Variants in LARP1 observed in about 807,000 individuals in gnomAD.
LARP1 encodes the protein la-related protein 1.
In LARP1, 36 loss-of-function variants were observed where a neutral mutation model predicts 122.7. The observed-to-expected ratio is 0.29, with a 90% CI of 0.22 to 0.39. The LOEUF (loss-of-function observed/expected upper bound fraction) is 0.39. Ranked by LOEUF, LARP1 falls within the 10% of genes least tolerant of loss-of-function variation. The pLI, the probability that LARP1 is intolerant of heterozygous loss-of-function variation, is 1.00. For missense variants in LARP1, 1,040 were observed against 1,403.6 expected, an observed-to-expected ratio of 0.74 and a Z score of 4.14; for synonymous variants, 539 against 528.7, an observed-to-expected ratio of 1.02 and a Z score of -0.27.
intron 1 of LARP1, among the ~76,000 whole-genome samples, chr5:154,747,956 C>A (rs1365852654): frequency 1.3e-5 from 2 of 152,212 alleles, no homozygotes; most frequent in Non-Finnish European, 1.5e-5. Context: ...CTCCTGGGCT[C>A]AAGCCATCCT....
chr5:154,760,225 G>A (rs1754341409), intron 1 of LARP1, among the ~76,000 whole-genome samples: 1 of 152,184 alleles, frequency 6.6e-6, no homozygotes, highest in Non-Finnish European at 1.5e-5. Context: ...TTACAGGCGT[G>A]AGCCACCGCG....
At chr5:154,762,356 G>T (rs763959148) in intron 1 of LARP1, among the ~76,000 whole-genome samples, 82 of 152,122 alleles carry the variant, frequency 5.4e-4, no homozygotes, top group Non-Finnish European at 7.1e-4. Flanking sequence ...TACTCACTCT[G>T]AGGGTTTATC....
At chr5:154,729,673 T>A in intron 1 of LARP1, 1 of 355,714 alleles carries the variant, frequency 2.8e-6, no homozygotes, top group Non-Finnish European at 5.4e-6. Context: ...CTGGAATCTA[T>A]CCCTATGAAT....
chr5:154,700,880 C>G (rs1264750823), intron 1 of LARP1, among the ~76,000 whole-genome samples: 6 of 152,054 alleles, frequency 3.9e-5, no homozygotes, highest in Non-Finnish European at 1.5e-5. Context: ...TCGCTTGAAC[C>G]CAGGAGGCAG....
chr5:154,765,935 A>G (rs1053812321), intron 1 of LARP1, among the ~76,000 whole-genome samples: 1 of 152,220 alleles, frequency 6.6e-6, no homozygotes, highest in African/African-American at 2.4e-5. Context: ...AAACACATGC[A>G]CTCAAAATTC....
chr5:154,702,689 G>A (rs1754773655), intron 1 of LARP1, among the ~76,000 whole-genome samples: 1 of 152,190 alleles, frequency 6.6e-6, no homozygotes, highest in Non-Finnish European at 1.5e-5. Context: ...GTCAGGTCCT[G>A]TAATACATAT....
chr5:154,746,087 C>T (rs1013322885), intron 1 of LARP1, among the ~76,000 whole-genome samples: 9 of 152,190 alleles, frequency 5.9e-5, no homozygotes, highest in South Asian at 2.1e-4. Flanking sequence ...CGTGAGCCAC[C>T]GCACCTGGCC....
chr5:154,810,306 C>T (rs1759156562), intron 16 of LARP1, among the ~76,000 whole-genome samples: 1 of 151,554 alleles, frequency 6.6e-6, no homozygotes, highest in Non-Finnish European at 1.5e-5. Flanking sequence ...TGTGGTGGCA[C>T]ATGCCTGTAG....
chr5:154,739,275 C>G (rs1757089624), intron 1 of LARP1, among the ~76,000 whole-genome samples: 1 of 152,194 alleles, frequency 6.6e-6, no homozygotes, highest in African/African-American at 2.4e-5. Flanking sequence ...CCACCTCGGC[C>G]TCCCAAAGTG....
intron 1 of LARP1, among the ~76,000 whole-genome samples, chr5:154,731,131 AG>A (rs1309039221): frequency 6.6e-6 from 1 of 152,114 alleles, no homozygotes; most frequent in Non-Finnish European, 1.5e-5. Context: ...GGCCTATTAA[AG>A]GTTTTTAAAC....
At chr5:154,813,117 G>T (rs1318281647) in intron 18 of LARP1, among the ~76,000 whole-genome samples, 1 of 152,156 alleles carries the variant, frequency 6.6e-6, no homozygotes, top group Non-Finnish European at 1.5e-5. Flanking sequence ...ACTGAGGTTC[G>T]TGGCCATCCA....
chr5:154,692,699 C>T lies in LARP1; in HGVS notation c.-180+9662C>T, dbSNP rs79253380. On this transcript the variant is annotated intron_variant, in intron 1 of 18. Transcript: ENST00000687700. ...ATCACCTAGGGACCACACTCAGCAT[C>T]ACACATGGTGGACAGCTGGCCTTAA... Among the ~76,000 whole-genome samples the T allele has an allele frequency of 1.4e-3, 209 of 152,300 alleles. 2 individuals are homozygous for T. In the East Asian group the frequency reaches 0.033, roughly 24 times the overall value.
At chr5:154,763,315 G>T (rs1354841168) in intron 1 of LARP1, among the ~76,000 whole-genome samples, 5 of 151,996 alleles carry the variant, frequency 3.3e-5, no homozygotes, top group African/African-American at 1.2e-4. Context: ...GCCCACTTCG[G>T]CCTCCCAAAG....
At chr5:154,784,297 A>T (rs1208603207) in intron 1 of LARP1, among the ~76,000 whole-genome samples, 1 of 152,192 alleles carries the variant, frequency 6.6e-6, no homozygotes, top group Non-Finnish European at 1.5e-5. Context: ...AGCCCATTTA[A>T]CATTTACAAT....
intron 1 of LARP1, among the ~76,000 whole-genome samples, chr5:154,782,365 T>TTGA (rs1050683458): frequency 1.3e-5 from 2 of 152,216 alleles, no homozygotes; most frequent in African/African-American, 4.8e-5. Context: ...GTGTTGATTA[T>TTGA]TGATCAGCTT....
chr5:154,752,243 CT>C (rs1036963374), upstream of LARP1, among the ~76,000 whole-genome samples: 5 of 151,764 alleles, frequency 3.3e-5, no homozygotes, highest in African/African-American at 1.2e-4. Flanking sequence ...CTTCCTTTTT[CT>C]TTTCTTTTCT....
chr5:154,802,022 A>C lies in LARP1; in HGVS notation c.1732A>C (p.Arg578=). ...PARPKKSEES[R]FSHLTSLPQQ... is the part of the protein sequence containing the mutation. ...CCTATTTTAGAAGTCAGAGGAGTCC[A>C]GATTTTCCCACCTGACCTCTCTGCC... The change falls in exon 11 of 19, where the codon AGA becomes CGA. Residue 578 remains arginine (R), a synonymous_variant. Coordinates refer to ENST00000518297, the MANE Select transcript of LARP1 (RefSeq NM_033551.3). This position sits in a 1 kb window ranked among gnomAD's most constrained non-coding sequence, Gnocchi z 5.1. 6.2e-7 allele frequency: 1 copy of C among 1,612,794 alleles called. No individual in the cohort carries two copies. Among genetic ancestry groups the C allele is most frequent in the Non-Finnish European group, 8.5e-7 (1 of 1,179,334 alleles).
intron 1 of LARP1, among the ~76,000 whole-genome samples, chr5:154,715,941 A>G (rs543411283): frequency 6.6e-6 from 1 of 152,184 alleles, no homozygotes; most frequent in Non-Finnish European, 1.5e-5. Context: ...ATTGAAGCTC[A>G]GGGAGGCTAC....
chr5:154,750,606 T>C (rs534873907), upstream of LARP1, among the ~76,000 whole-genome samples: 1 of 149,202 alleles, frequency 6.7e-6, no homozygotes, highest in South Asian at 2.1e-4. Context: ...ATTAATTTGG[T>C]GAGTTTTATT....
Sources: allele counts gnomAD v4.1 joint callset (sites outside exome capture counted in the v4.1 genomes callset), GRCh38; gene constraint gnomAD v4.1.1; non-coding constraint Gnocchi (gnomAD v3.1); transcripts MANE v1.5; gene names NCBI Gene and HGNC (gene_info 2026-07-23, HGNC 2026-07-21).